Variants in IL1RAPL2 observed in about 807,000 individuals in gnomAD.
IL1RAPL2 encodes the protein interleukin 1 receptor accessory protein like 2, also known as X-linked interleukin-1 receptor accessory protein-like 2.
IL1RAPL2 carries 3 observed loss-of-function variants against 44.1 expected under a neutral mutation model. That is an observed-to-expected ratio of 0.07 (90% CI 0.03 to 0.18). IL1RAPL2 has a LOEUF of 0.18. Ranked by LOEUF, IL1RAPL2 falls within the 10% of genes least tolerant of loss-of-function variation. The pLI, the probability that IL1RAPL2 is intolerant of heterozygous loss-of-function variation, is 1.00. For synonymous variants in IL1RAPL2, 181 were observed against 178.8 expected (o/e 1.01, Z -0.10); for missense variants, 391 against 496.4 (o/e 0.79, Z 2.02).
At chrX:105,483,382 A>T (rs774064040) in intron 5 of IL1RAPL2, among the ~76,000 whole-genome samples, 1 of 111,508 alleles carries the variant, frequency 9.0e-6, no homozygotes, top group Non-Finnish European at 1.9e-5. Flanking sequence ...TCCTCAAAGC[A>T]TATTATGCTT....
At chrX:105,425,932 C>T (rs371216270) in intron 5 of IL1RAPL2, among the ~76,000 whole-genome samples, 1 of 110,111 alleles carries the variant, frequency 9.1e-6, no homozygotes, top group Admixed American at 9.7e-5. Flanking sequence ...AAAGGTGCCC[C>T]CTCTTCCTGT....
chrX:105,657,153 A>G (rs1035358398), intron 6 of IL1RAPL2, among the ~76,000 whole-genome samples: 1 of 111,970 alleles, frequency 8.9e-6, no homozygotes, highest in South Asian at 3.7e-4. Flanking sequence ...TGAAAAGAGC[A>G]TGAAGATATA....
intron 2 of IL1RAPL2, among the ~76,000 whole-genome samples, chrX:105,014,465 C>T (rs779408086): frequency 3.6e-5 from 4 of 110,713 alleles, no homozygotes; most frequent in South Asian, 3.9e-4. Flanking sequence ...CCTCCCCTAG[C>T]CCCACAACCC....
intron 6 of IL1RAPL2, among the ~76,000 whole-genome samples, chrX:105,574,302 T>C (rs780230212): frequency 5.4e-5 from 6 of 110,481 alleles, no homozygotes; most frequent in Non-Finnish European, 1.1e-4. Flanking sequence ...CTTAAGGGAG[T>C]GTTTCTTGAG....
At chrX:105,102,088 T>A (rs1230867223) in intron 2 of IL1RAPL2, among the ~76,000 whole-genome samples, 1 of 111,845 alleles carries the variant, frequency 8.9e-6, no homozygotes, top group Non-Finnish European at 1.9e-5. Flanking sequence ...GAATTCTTAG[T>A]CCCATCTAGT....
At chrX:104,582,113 C>A (rs1300998113) in intron 1 of IL1RAPL2, among the ~76,000 whole-genome samples, 1 of 112,037 alleles carries the variant, frequency 8.9e-6, no homozygotes, top group African/African-American at 3.2e-5. Context: ...GCATTAGAAG[C>A]ATTTTATTGT....
chrX:105,446,492 T>G (rs2035955459), intron 5 of IL1RAPL2, among the ~76,000 whole-genome samples: 1 of 111,239 alleles, frequency 9.0e-6, no homozygotes, highest in Non-Finnish European at 1.9e-5. Context: ...CATGTCTTCC[T>G]TTTAGCAAAG....
In IL1RAPL2 at chrX:105,246,078, T is replaced by G. The variant is rs763475998; in HGVS notation, c.543+12074T>G. Among the ~76,000 whole-genome samples, 7 of 112,275 alleles carry G rather than the reference T, an allele frequency of 6.2e-5. No individual in the cohort carries two copies. In the Admixed American group the frequency reaches 6.6e-4, roughly 11 times the overall value. The stretch of plus-strand genomic sequence containing the variant: ...ACTGACCAAAATAAACACATTTCTC[T>G]TTTCTCATGAAGGGAGATAGATGAG... On this transcript the variant is annotated intron_variant, in intron 4 of 10. Transcript: ENST00000372582.
intron 2 of IL1RAPL2, among the ~76,000 whole-genome samples, chrX:104,892,092 T>A (rs190972913): frequency 4.2e-4 from 47 of 111,881 alleles, no homozygotes; most frequent in Middle Eastern, 9.2e-3. Context: ...TATGGTGGAC[T>A]ACATTTATTG....
rs5962568 is a variant in IL1RAPL2 at position 105,689,987 on chromosome X, A to G, written c.773-27380A>G. 5.9e-3 allele frequency among the ~76,000 whole-genome samples: 658 copies of G among 111,318 alleles called. 1 individual carries two copies. Among genetic ancestry groups the G allele is most frequent in the Middle Eastern group, 0.023 (5 of 218 alleles). On this transcript the variant is annotated intron_variant, in intron 6 of 10. Transcript: ENST00000372582. ...ACAAGGACAGAAAACCAAACACTGCATGTTCTCACTCGTAGGTGGGAATTG... is the reference window on the plus strand; with the variant it reads ...ACAAGGACAGAAAACCAAACACTGCGTGTTCTCACTCGTAGGTGGGAATTG...
chrX:105,295,742 A>G (rs2034649658), intron 5 of IL1RAPL2, among the ~76,000 whole-genome samples: 2 of 112,046 alleles, frequency 1.8e-5, no homozygotes, highest in Non-Finnish European at 3.8e-5. Context: ...TATATTTATT[A>G]CTATGGCTTG....
At chrX:105,303,133 C>T (rs939034196) in intron 5 of IL1RAPL2, among the ~76,000 whole-genome samples, 2 of 112,190 alleles carry the variant, frequency 1.8e-5, no homozygotes, top group African/African-American at 3.2e-5. Flanking sequence ...GTTGGTGATT[C>T]AGGACTGTCT....
chrX:105,708,051 T>C (rs2038179697), intron 6 of IL1RAPL2, among the ~76,000 whole-genome samples: 1 of 111,470 alleles, frequency 9.0e-6, no homozygotes, highest in African/African-American at 3.3e-5. Flanking sequence ...AAAGAACCCT[T>C]ATAATACTTC....
At chrX:105,064,090 A>G (rs1313217508) in intron 2 of IL1RAPL2, among the ~76,000 whole-genome samples, 1 of 112,299 alleles carries the variant, frequency 8.9e-6, no homozygotes, top group Non-Finnish European at 1.9e-5. Flanking sequence ...TACAATCACC[A>G]GGTGGTGAAG....
chrX:105,038,062 T>C (rs1381520720), intron 2 of IL1RAPL2, among the ~76,000 whole-genome samples: 1 of 111,314 alleles, frequency 9.0e-6, no homozygotes, highest in Non-Finnish European at 1.9e-5. Context: ...GTCAAAGGTT[T>C]TCCACCTTTT....
chrX:104,836,854 G>T (rs1921756436), intron 2 of IL1RAPL2, among the ~76,000 whole-genome samples: 1 of 110,620 alleles, frequency 9.0e-6, no homozygotes, highest in South Asian at 3.8e-4. Flanking sequence ...AGCCCCACAT[G>T]CATTAGGTAT....
intron 2 of IL1RAPL2, among the ~76,000 whole-genome samples, chrX:104,761,024 A>G (rs1194655523): frequency 9.0e-6 from 1 of 111,600 alleles, no homozygotes; most frequent in Admixed American, 9.6e-5. Context: ...AGCAGAATTT[A>G]TCGAAGAGAT....
intron 5 of IL1RAPL2, among the ~76,000 whole-genome samples, chrX:105,274,536 AT>A: frequency 8.9e-6 from 1 of 112,383 alleles, no homozygotes; most frequent in South Asian, 3.7e-4. Flanking sequence ...CAACACATAA[AT>A]CAGTGCCTAC....
chrX:104,962,360 T>G (rs1181972629), intron 2 of IL1RAPL2, among the ~76,000 whole-genome samples: 1 of 112,040 alleles, frequency 8.9e-6, no homozygotes, highest in African/African-American at 3.2e-5. Context: ...TTTAGTAATT[T>G]TCTTTAGGTT....
Sources: gnomAD v4.1 joint callset for allele counts (sites outside exome capture counted in the v4.1 genomes callset) on GRCh38, gnomAD v4.1.1 for gene constraint, MANE v1.5 for transcripts, NCBI Gene and HGNC (gene_info 2026-07-23, HGNC 2026-07-21) for gene names.